TOGARAM1: variants seen among roughly 807,000 people sequenced by gnomAD.
TOGARAM1 encodes TOG array regulator of axonemal microtubules protein 1.
A neutral mutation model predicts 166.6 loss-of-function variants in TOGARAM1; 100 were observed. That is an observed-to-expected ratio of 0.60 (90% CI 0.51 to 0.71). The LOEUF (loss-of-function observed/expected upper bound fraction) is 0.71. TOGARAM1 is among the 30% of genes least tolerant of loss of function. The probability of loss-of-function intolerance (pLI) is 0.00; values close to 1 mark genes in which losing one functional copy is unlikely to be tolerated. For missense variants in TOGARAM1, 2,029 were observed against 2,102.7 expected, an observed-to-expected ratio of 0.96 and a Z score of 0.69; for synonymous variants, 758 against 763.8, an observed-to-expected ratio of 0.99 and a Z score of 0.13.
intron 8 of TOGARAM1, 21 bp from the exon 9 acceptor site, chr14:45,027,278 T>G: frequency 1.9e-6 from 3 of 1,611,546 alleles, no homozygotes; most frequent in South Asian, 1.1e-5. Flanking sequence ...TAATGACTAT[T>G]TGGTGGTTGG....
chr14:44,982,904 C>G (rs1269740616), intron 1 of TOGARAM1, among the ~76,000 whole-genome samples: 1 of 152,076 alleles, frequency 6.6e-6, no homozygotes, highest in Admixed American at 6.6e-5. Flanking sequence ...TGTAACAGCA[C>G]TAACTACAGT....
chr14:44,963,961 G>C lies in TOGARAM1; in HGVS notation c.1540G>C (p.Asp514His), dbSNP rs1162450921. Residue 514 changes from aspartate (D) to histidine (H), a missense_variant, in exon 1 of 20, where the codon GAT becomes CAT. By Grantham distance (81) the Asp-to-His change is moderately conservative (BLOSUM62 -1). Transcript: ENST00000361462. ...TTTTGACTTGCCCAAACTGTCCTTTGATCTTGCCCCAGCTCTTGTAGATAG... is the reference window on the plus strand; with the variant it reads ...TTTTGACTTGCCCAAACTGTCCTTTCATCTTGCCCCAGCTCTTGTAGATAG... ...EDFDLPKLSF[D>H]LAPALVDSKR... 1.9e-6 allele frequency: 3 copies of C among 1,614,174 alleles called. No homozygotes were observed. The highest frequency in any genetic ancestry group is 1.7e-5 in the Admixed American group (1 of 60,022).
chr14:45,059,990 G>T (rs1012552400), intron 16 of TOGARAM1, among the ~76,000 whole-genome samples: 6 of 149,428 alleles, frequency 4.0e-5, no homozygotes, highest in Non-Finnish European at 8.9e-5. Flanking sequence ...TCGGCTCACT[G>T]CAAGCTCCGT....
At chr14:45,035,983 A>G (rs1478257921) in intron 11 of TOGARAM1, among the ~76,000 whole-genome samples, 1 of 150,916 alleles carries the variant, frequency 6.6e-6, no homozygotes, top group Admixed American at 6.6e-5. Flanking sequence ...AAAATTTAAA[A>G]TCTGGATGCA....
Position 44,962,835 on chromosome 14 carries a change from G to A in TOGARAM1, c.414G>A (p.Arg138=). 2 of 1,613,202 alleles carry A rather than the reference G, an allele frequency of 1.2e-6. No individual in the cohort carries two copies. Among genetic ancestry groups the A allele is most frequent in the Non-Finnish European group, 1.7e-6 (2 of 1,180,022 alleles). Residue 138 remains arginine, a synonymous_variant, in exon 1 of 20, where the codon CGG becomes CGA. Coordinates refer to ENST00000361462, the MANE Select transcript of TOGARAM1 (RefSeq NM_001308120.2). ...GFPRRKEALY[R]ALGRVLVEGG... ...CCCGACGCAAGGAAGCTTTGTATCG[G>A]GCACTGGGCCGAGTGCTTGTGGAAG...
chr14:45,011,849 C>T lies in TOGARAM1; in HGVS notation c.3138-126C>T, dbSNP rs1879819777. 7 of 587,298 alleles carry T rather than the reference C, an allele frequency of 1.2e-5. No individual in the cohort carries two copies. In the East Asian group the frequency reaches 2.0e-4, roughly 17 times the overall value. The allele number at this position is 587,298 out of a possible 1,614,324, so 36.4% of individuals were successfully genotyped here. A position where few individuals can be genotyped will look rare whatever the true frequency, so the allele number is the denominator to read the frequency against. On this transcript the variant is annotated intron_variant, in intron 6 of 19. Transcript: ENST00000361462. ...CTGTTAGCCATAGTTTTTCAAGTGT[C>T]ATACTTATTGCTCCCTTATTATCTA...
intron 7 of TOGARAM1, among the ~76,000 whole-genome samples, chr14:45,025,028 A>G (rs914654346): frequency 5.3e-5 from 8 of 152,214 alleles, no homozygotes; most frequent in Non-Finnish European, 1.0e-4. Flanking sequence ...GGAAAGAATA[A>G]TCATCAAAAC....
chr14:45,001,553 A>G lies in TOGARAM1; in HGVS notation c.2338+2056A>G, dbSNP rs552761870. Among the ~76,000 whole-genome samples the G allele has an allele frequency of 1.2e-4, 19 of 152,336 alleles. No homozygotes were observed. The East Asian group carries it at 2.7e-3, about 22-fold the overall frequency. On this transcript the variant is annotated intron_variant, in intron 3 of 19. Coordinates refer to ENST00000361462, the MANE Select transcript of TOGARAM1 (RefSeq NM_001308120.2). Reference sequence around the variant, plus strand: ...ATATATAAGGAACTCAAACAATTCAATAGCAAAAAAACAAAAATACAATGT... The same window carrying G: ...ATATATAAGGAACTCAAACAATTCAGTAGCAAAAAAACAAAAATACAATGT...
intron 5 of TOGARAM1, chr14:45,006,481 C>G (rs892273067): frequency 5.0e-6 from 2 of 397,112 alleles, no homozygotes; most frequent in Admixed American, 3.9e-5. Context: ...TAACACTCTA[C>G]TGTATTTTCT....
Position 45,070,039 on chromosome 14 carries a change from G to A in TOGARAM1, c.4969+1396G>A, listed in dbSNP as rs140930657. Among the ~76,000 whole-genome samples the A allele has an allele frequency of 3.5e-4, 53 of 152,002 alleles. No individual in the cohort carries two copies. In the East Asian group the frequency reaches 3.7e-3, roughly 11 times the overall value. On this transcript the variant is annotated intron_variant, in intron 18 of 19. Transcript: ENST00000361462. ...CTACTAAAAATACAAAAAATTAGCC[G>A]GGCGTGGTGGCAGGTGCCTGTAGTC...
chr14:45,038,098 G>C (rs754318635), intron 11 of TOGARAM1, among the ~76,000 whole-genome samples: 4 of 152,144 alleles, frequency 2.6e-5, no homozygotes, highest in Non-Finnish European at 4.4e-5. Flanking sequence ...GTAGAGATGG[G>C]GTTTTTCTAT....
chr14:45,024,668 C>T (rs928737500), intron 7 of TOGARAM1, among the ~76,000 whole-genome samples: 3 of 152,080 alleles, frequency 2.0e-5, no homozygotes, highest in African/African-American at 7.2e-5. Flanking sequence ...TCACAGAACA[C>T]GTTTTTGGGC....
chr14:45,073,338 A>G lies in TOGARAM1; in HGVS notation c.5099A>G (p.Glu1700Gly). ...TATCAAAGGAAGCCGCATGCCACAG[A>G]GCAGAAAGTGTTGGTTGTTTTATGG... ...ELYQRKPHAT[E>G]QKVLVVLWHL... Residue 1700 changes from glutamate to glycine, a missense_variant, in exon 20 of 20, where the codon GAG (glutamate) becomes GGG (glycine). Transcript: ENST00000361462. 6.2e-7 allele frequency: 1 copy of G among 1,614,192 alleles called. No homozygotes were observed. The highest frequency in any genetic ancestry group is 8.5e-7 in the Non-Finnish European group (1 of 1,180,026).
chr14:45,047,454 C>A (rs1351951208), intron 14 of TOGARAM1, among the ~76,000 whole-genome samples: 1 of 149,862 alleles, frequency 6.7e-6, no homozygotes, highest in Admixed American at 6.6e-5. Context: ...TCCTACAAAA[C>A]ATGAGATATC....
chr14:45,016,871 A>G (rs1218948062), intron 7 of TOGARAM1, among the ~76,000 whole-genome samples: 1 of 152,206 alleles, frequency 6.6e-6, no homozygotes, highest in African/African-American at 2.4e-5. Flanking sequence ...TCTTTTTAAA[A>G]GGTTAGAAGT....
At chr14:44,979,211 ATTC>A (rs1232404271) in intron 1 of TOGARAM1, among the ~76,000 whole-genome samples, 34 of 152,086 alleles carry the variant, frequency 2.2e-4, no homozygotes, top group African/African-American at 8.0e-4. Context: ...AAAGGCAGCT[ATTC>A]TTCTTCCTGC....
chr14:45,071,343 A>G (rs922658775), intron 18 of TOGARAM1, among the ~76,000 whole-genome samples: 10 of 133,570 alleles, frequency 7.5e-5, no homozygotes, highest in African/African-American at 2.3e-4. Context: ...TGTGTGAGGT[A>G]TTTTTAGTTC....
intron 16 of TOGARAM1, among the ~76,000 whole-genome samples, chr14:45,060,829 A>T (rs1319791469): frequency 6.6e-6 from 1 of 152,238 alleles, no homozygotes; most frequent in African/African-American, 2.4e-5. Flanking sequence ...TTACATCACA[A>T]GGTACATGAT....
In TOGARAM1 at chr14:45,011,960, T is replaced by G. The variant is rs756333056; in HGVS notation, c.3138-15T>G. 1.5e-5 allele frequency: 24 copies of G among 1,570,342 alleles called. No individual in the cohort carries two copies. Among genetic ancestry groups the G allele is most frequent in the Non-Finnish European group, 2.0e-5 (23 of 1,151,560 alleles). ...AAATCTTAATGTTTATTGAAATTACTTTGTTTCATTGCAGGTCAGACATAT... is the reference window on the plus strand; with the variant it reads ...AAATCTTAATGTTTATTGAAATTACGTTGTTTCATTGCAGGTCAGACATAT... On this transcript the variant is annotated splice_polypyrimidine_tract_variant and intron_variant, in intron 6 of 19. Transcript: ENST00000361462.
Sources: gnomAD v4.1 joint callset for allele counts (sites outside exome capture counted in the v4.1 genomes callset) on GRCh38, gnomAD v4.1.1 for gene constraint, MANE v1.5 for transcripts, NCBI Gene and HGNC (gene_info 2026-07-23, HGNC 2026-07-21) for gene names.